The following GNAT1 variants were observed in gnomAD, a reference collection of about 807,000 sequenced individuals.
GNAT1 encodes G protein subunit alpha transducin 1.
A neutral mutation model predicts 40.0 loss-of-function variants in GNAT1; 36 were observed. That is an observed-to-expected ratio of 0.90 (90% CI 0.69 to 1.19). GNAT1 has a LOEUF of 1.19. Among genes scored for constraint, GNAT1 ranks in the 50% most tolerant of loss-of-function variants. GNAT1 has a pLI of 0.00. For synonymous variants in GNAT1, 195 were observed against 192.9 expected (o/e 1.01, Z -0.09); for missense variants, 413 against 480.6 (o/e 0.86, Z 1.32).
chr3:50,191,690 C>A lies in GNAT1; in HGVS notation c.-36C>A. On this transcript the variant is annotated 5_prime_UTR_variant, in exon 1 of 9. Coordinates refer to ENST00000232461, the MANE Select transcript of GNAT1 (RefSeq NM_144499.3). ...GGATCCCCTCCATCCAGAAGAACCA[C>A]CTGCTCACTCTGTCCCTTCGCCTGC... 6.7e-7 allele frequency: 1 copy of A among 1,484,732 alleles called. No individual in the cohort carries two copies. The highest frequency in any genetic ancestry group is 1.1e-5 in the South Asian group (1 of 88,516). 92.0% of individuals were successfully genotyped at this position (1,484,732 alleles called of 1,614,324 possible).
rs993910540 is a variant in GNAT1, at chr3:50,196,982, G to T, written c.*1716G>T. On this transcript the variant is annotated 3_prime_UTR_variant, in exon 9 of 9. Transcript: ENST00000232461. ...CTGGGATTAGGGTGAGGGAAGTGAGGCACACTCACCTTGGGTGCAACATTT... is the reference window on the plus strand; with the variant it reads ...CTGGGATTAGGGTGAGGGAAGTGAGTCACACTCACCTTGGGTGCAACATTT... 7.9e-5 allele frequency among the ~76,000 whole-genome samples: 12 copies of T among 152,028 alleles called. 1 individual carries two copies. Among genetic ancestry groups the T allele is most frequent in the Admixed American group, 7.9e-4 (12 of 15,240 alleles).
In GNAT1 at chr3:50,193,324, A is replaced by G; in HGVS notation, c.209A>G (p.Tyr70Cys). The G allele has an allele frequency of 6.2e-7, 1 of 1,614,064 alleles. No individual in the cohort carries two copies. ...TGCCTCGAGTTTATCGCCATCATCT[A>G]CGGCAACACGTTGCAGTCCATCCTG... ...EECLEFIAIIYGNTLQSILAI... is the reference protein window; with the variant it reads ...EECLEFIAIICGNTLQSILAI... Residue 70 changes from tyrosine (Y) to cysteine (C), a missense_variant, in exon 3 of 9, where the codon TAC becomes TGC. Tyr to Cys is a radical substitution (Grantham distance 194, BLOSUM62 -2). Coordinates refer to ENST00000232461, the MANE Select transcript of GNAT1 (RefSeq NM_144499.3). This position sits in a 1 kb window ranked among gnomAD's most constrained non-coding sequence, Gnocchi z 8.1.
At position 50,193,115 on chromosome 3, in the gene GNAT1, G is replaced by A. The variant is rs990570090; in HGVS notation, c.107-18G>A. 2 of 1,613,446 alleles carry A rather than the reference G, an allele frequency of 1.2e-6. No individual in the cohort carries two copies. Among genetic ancestry groups the A allele is most frequent in the Non-Finnish European group, 1.7e-6 (2 of 1,179,984 alleles). On this transcript the variant is annotated intron_variant, in intron 1 of 8. Coordinates refer to ENST00000232461, the MANE Select transcript of GNAT1 (RefSeq NM_144499.3). This position sits in a 1 kb window ranked among gnomAD's most constrained non-coding sequence, Gnocchi z 8.1. ...GCAGGCTGGTCAGCGCAGCTCTGAG[G>A]CGCCGCGTCTCTTTCAGGTGCCGGT... is the stretch of plus-strand genomic sequence containing the variant.
chr3:50,195,240 G>A, intron 8 of GNAT1, 28 bp from the exon 9 acceptor site: 1 of 508,378 alleles, frequency 2.0e-6, no homozygotes, highest in African/African-American at 1.9e-5. Flanking sequence ...TGGGTCTCAG[G>A]GATGCTGACT....
rs914675059 is a variant in GNAT1 at position 50,193,852 on chromosome 3, G to A, written c.549G>A (p.Thr183=). The A allele has an allele frequency of 5.6e-6, 9 of 1,613,186 alleles. No homozygotes were observed. Among genetic ancestry groups the A allele is most frequent in the Non-Finnish European group, 7.6e-6 (9 of 1,179,954 alleles). Residue 183 remains threonine, a synonymous_variant, in exon 5 of 9, where the codon ACG becomes ACA. Transcript: ENST00000232461. The surrounding 1 kb of genome is among the most constrained non-coding windows in gnomAD (Gnocchi z 8.1). ...SRVKTTGIIE[T]QFSFKDLNFR... is the part of the protein sequence containing the mutation. The stretch of plus-strand genomic sequence containing the variant: ...TCAAGACCACTGGCATCATCGAGAC[G>A]CAGTTCTCCTTCAAGGATCTCAACT...
chr3:50,194,801 A>G lies in GNAT1; in HGVS notation c.899A>G (p.Lys300Arg). Residue 300 changes from lysine to arginine, a missense_variant, in exon 8 of 9, where the codon AAG becomes AGG. Transcript: ENST00000232461. This position sits in a 1 kb window ranked among gnomAD's most constrained non-coding sequence, Gnocchi z 6.1. ...TACGAGGACGCCGGCAACTACATCA[A>G]GGTGCAGTTCCTCGAGCTCAACATG... The part of the protein sequence containing the change: ...NTYEDAGNYI[K>R]VQFLELNMRR... The G allele has an allele frequency of 6.2e-7, 1 of 1,613,884 alleles. No individual in the cohort carries two copies. The highest frequency in any genetic ancestry group is 8.5e-7 in the Non-Finnish European group (1 of 1,179,980).
rs776440552 is a variant in GNAT1, at chr3:50,194,859, G to A, written c.957G>A (p.Met319Ile). 22 of 1,613,736 alleles carry A rather than the reference G, an allele frequency of 1.4e-5. No individual in the cohort carries two copies. In the South Asian group the frequency reaches 1.9e-4, roughly 14 times the overall value. The stretch of plus-strand genomic sequence containing the variant: ...ACGTGAAGGAGATCTATTCCCACAT[G>A]ACGTGCGCCACCGACACGCAGAACG... ...RRDVKEIYSH[M>I]TCATDTQNVK... is the part of the protein sequence containing the mutation. The change falls in exon 8 of 9, where the codon ATG becomes ATA. Residue 319 changes from methionine (M) to isoleucine (I), a missense_variant. By Grantham distance (10) the Met-to-Ile change is conservative. Transcript: ENST00000232461. This position sits in a 1 kb window ranked among gnomAD's most constrained non-coding sequence, Gnocchi z 6.1.
Position 50,194,386 on chromosome 3 carries a change from G to C in GNAT1, c.709-115G>C. On this transcript the variant is annotated intron_variant, in intron 6 of 8. Coordinates refer to ENST00000232461, the MANE Select transcript of GNAT1 (RefSeq NM_144499.3). This position sits in a 1 kb window ranked among gnomAD's most constrained non-coding sequence, Gnocchi z 6.1. Reference sequence around the variant, plus strand: ...TCAGCAGGCCCATCTGGGGCAGTGCGGGGAGCCCTCTGAGAGCCAGCTGAG... The same window carrying C: ...TCAGCAGGCCCATCTGGGGCAGTGCCGGGAGCCCTCTGAGAGCCAGCTGAG... The C allele has an allele frequency of 7.1e-7, 1 of 1,410,868 alleles. No homozygotes were observed. The allele number at this position is 1,410,868 out of a possible 1,614,324, so 87.4% of individuals were successfully genotyped here. A position where few individuals can be genotyped will look rare whatever the true frequency, so the allele number is the denominator to read the frequency against.
At position 50,191,645 on chromosome 3, in the gene GNAT1, C is replaced by A. The variant is rs1002518158; in HGVS notation, c.-81C>A. ...AGGTCCTCCTGGGGCCAGAAGGGTG[C>A]CTGGGAGGCCAGGTTCTGGGGATCC... is the stretch of plus-strand genomic sequence containing the variant. On this transcript the variant is annotated 5_prime_UTR_variant, in exon 1 of 9. Coordinates refer to ENST00000232461, the MANE Select transcript of GNAT1 (RefSeq NM_144499.3). The A allele has an allele frequency of 3.9e-6, 4 of 1,024,076 alleles. No homozygotes were observed. The highest frequency in any genetic ancestry group is 1.7e-5 in the Admixed American group (1 of 58,360). 63.4% of individuals were successfully genotyped at this position (1,024,076 alleles called of 1,614,324 possible). A position where few individuals can be genotyped will look rare whatever the true frequency, so the allele number is the denominator to read the frequency against.
At position 50,196,490 on chromosome 3, in the gene GNAT1, A is replaced by C. The variant is rs987202438; in HGVS notation, c.*1224A>C. 1.3e-5 allele frequency: 2 copies of C among 152,164 alleles called. No homozygotes were observed. The highest frequency in any genetic ancestry group is 2.4e-5 in the African/African-American group (1 of 41,236). 9.4% of individuals were successfully genotyped at this position (152,164 alleles called of 1,614,324 possible). ...GCACTCCCCTCAGCTAGACGCACAGACTCAGCAATAAACCTTTGCATCAGG... is the reference window on the plus strand; with the variant it reads ...GCACTCCCCTCAGCTAGACGCACAGCCTCAGCAATAAACCTTTGCATCAGG... On this transcript the variant is annotated 3_prime_UTR_variant, in exon 9 of 9. Transcript: ENST00000232461.
In GNAT1 at chr3:50,193,747, G is replaced by A. The variant is rs751214828; in HGVS notation, c.450-6G>A. 3.1e-6 allele frequency: 5 copies of A among 1,607,264 alleles called. No homozygotes were observed. In the East Asian group the frequency reaches 9.0e-5, roughly 29 times the overall value. On this transcript the variant is annotated splice_region_variant and splice_polypyrimidine_tract_variant and intron_variant, in intron 4 of 8. Transcript: ENST00000232461. This position sits in a 1 kb window ranked among gnomAD's most constrained non-coding sequence, Gnocchi z 8.1. ...CCCCACCCACCTACGGCCGGGTCTC[G>A]CGCAGCTACCTCTCCGACCTGGAGC...
In GNAT1 at chr3:50,193,027, C is replaced by G; in HGVS notation, c.107-106C>G. 1 of 1,188,766 alleles carries G rather than the reference C, an allele frequency of 8.4e-7. No individual in the cohort carries two copies. The highest frequency in any genetic ancestry group is 1.2e-6 in the Non-Finnish European group (1 of 825,324). 73.6% of individuals were successfully genotyped at this position (1,188,766 alleles called of 1,614,324 possible). ...GTCGGGGCTGGCGCTCAGGCCTCTT[C>G]GCTGCGGGTCCACCCTGCCAACTCG... On this transcript the variant is annotated intron_variant, in intron 1 of 8. Transcript: ENST00000232461. The surrounding 1 kb of genome is among the most constrained non-coding windows in gnomAD (Gnocchi z 8.1).
At chr3:50,195,023 C>G in intron 8 of GNAT1, 67 bp downstream of exon 8, 1 of 1,175,254 alleles carries the variant, frequency 8.5e-7, no homozygotes. Flanking sequence ...CCACCCCACA[C>G]CACGGCCCTG....
rs200215438 is a variant in GNAT1 at position 50,191,838 on chromosome 3, G to A, written c.106+7G>A. On this transcript the variant is annotated splice_region_variant and intron_variant, in intron 1 of 8. Coordinates refer to ENST00000232461, the MANE Select transcript of GNAT1 (RefSeq NM_144499.3). ...GTGAAGCTGCTGCTTCTGGGTAGGG[G>A]TGTGGGCCCAGGTGGGGCCACTGCC... The A allele has an allele frequency of 6.3e-7, 1 of 1,594,404 alleles. No homozygotes were observed. Among genetic ancestry groups the A allele is most frequent in the Non-Finnish European group, 8.6e-7 (1 of 1,162,480 alleles).
Position 50,191,759 on chromosome 3 carries a change from T to C in GNAT1, c.34T>C (p.Ser12Pro). The change falls in exon 1 of 9, where the codon TCC (serine) becomes CCC (proline). Residue 12 changes from serine (S) to proline (P), a missense_variant. Ser to Pro is a moderately conservative substitution (Grantham distance 74). Transcript: ENST00000232461. ...GAGASAEEKH[S>P]RELEKKLKED... ...TGGGGCCAGTGCTGAGGAGAAGCAC[T>C]CCAGGGAGCTGGAAAAGAAGCTGAA... is the stretch of plus-strand genomic sequence containing the variant. 1 of 1,613,888 alleles carries C rather than the reference T, an allele frequency of 6.2e-7. No individual in the cohort carries two copies. The highest frequency in any genetic ancestry group is 8.5e-7 in the Non-Finnish European group (1 of 1,179,800).
Position 50,194,428 on chromosome 3 carries a change from C to A in GNAT1, c.709-73C>A. ...CCAGCTGAGCGGGAAGCCCCGCGTGCCCGGGAGCCCAGAGAGCAGGTGCTG... is the reference window on the plus strand; with the variant it reads ...CCAGCTGAGCGGGAAGCCCCGCGTGACCGGGAGCCCAGAGAGCAGGTGCTG... On this transcript the variant is annotated intron_variant, in intron 6 of 8. Coordinates refer to ENST00000232461, the MANE Select transcript of GNAT1 (RefSeq NM_144499.3). The surrounding 1 kb of genome is among the most constrained non-coding windows in gnomAD (Gnocchi z 6.1). 1.3e-6 allele frequency: 2 copies of A among 1,541,938 alleles called. No homozygotes were observed. Among genetic ancestry groups the A allele is most frequent in the East Asian group, 2.3e-5 (1 of 43,590 alleles).
intron 1 of GNAT1, among the ~76,000 whole-genome samples, chr3:50,192,081 T>C (rs1699419245): frequency 6.6e-6 from 1 of 152,098 alleles, no homozygotes. Context: ...TCCCCAGAAG[T>C]GCGTGCCAAC....
In GNAT1 at chr3:50,193,314, G is replaced by A; in HGVS notation, c.199G>A (p.Ala67Thr). ...GCTGGAAGAGTGCCTCGAGTTTATC[G>A]CCATCATCTACGGCAACACGTTGCA... ...YSLEECLEFIAIIYGNTLQSI... is the reference protein window; with the variant it reads ...YSLEECLEFITIIYGNTLQSI... The change falls in exon 3 of 9, where the codon GCC (alanine) becomes ACC (threonine). Residue 67 changes from alanine to threonine, a missense_variant. Physicochemically the swap from Ala to Thr is moderately conservative, Grantham distance 58. Coordinates refer to ENST00000232461, the MANE Select transcript of GNAT1 (RefSeq NM_144499.3). The surrounding 1 kb of genome is among the most constrained non-coding windows in gnomAD (Gnocchi z 8.1). The A allele has an allele frequency of 6.2e-7, 1 of 1,614,066 alleles. No individual in the cohort carries two copies. Among genetic ancestry groups the A allele is most frequent in the Non-Finnish European group, 8.5e-7 (1 of 1,179,946 alleles).
chr3:50,193,785 C>T lies in GNAT1; in HGVS notation c.482C>T (p.Pro161Leu), dbSNP rs1699458313. 6.2e-7 allele frequency: 1 copy of T among 1,612,684 alleles called. No homozygotes were observed. The highest frequency in any genetic ancestry group is 1.3e-5 in the African/African-American group (1 of 75,002). The change falls in exon 5 of 9, where the codon CCG becomes CTG. Residue 161 changes from proline (P) to leucine (L), a missense_variant. By Grantham distance (98) the Pro-to-Leu change is moderately conservative. Transcript: ENST00000232461. This position sits in a 1 kb window ranked among gnomAD's most constrained non-coding sequence, Gnocchi z 8.1. Reference protein sequence around the residue: ...YLSDLERLVTPGYVPTEQDVL... With the variant: ...YLSDLERLVTLGYVPTEQDVL... The stretch of plus-strand genomic sequence containing the variant: ...TCCGACCTGGAGCGCCTGGTAACCC[C>T]GGGCTACGTGCCCACCGAGCAGGAC...
Sources: gnomAD v4.1 joint callset for allele counts (sites outside exome capture counted in the v4.1 genomes callset) on GRCh38, gnomAD v4.1.1 for gene constraint, Gnocchi (gnomAD v3.1) non-coding constraint, MANE v1.5 for transcripts, NCBI Gene and HGNC (gene_info 2026-07-23, HGNC 2026-07-21) for gene names.